ZNF704: variants seen among roughly 807,000 people sequenced by gnomAD.
ZNF704 encodes glucocorticoid induced gene 1.
ZNF704 carries 10 observed loss-of-function variants against 44.7 expected under a neutral mutation model. The observed-to-expected ratio is 0.22, with a 90% CI of 0.14 to 0.38. The LOEUF is 0.38. Among genes scored for constraint, ZNF704 ranks in the 10% least tolerant of loss-of-function variants. ZNF704 has a pLI of 1.00. For missense variants in ZNF704, 390 were observed against 545.5 expected (o/e 0.71, Z 2.84); for synonymous variants, 211 against 207.6 (o/e 1.02, Z -0.14).
chr8:80,798,616 C>T (rs1442976056), intron 2 of ZNF704, among the ~76,000 whole-genome samples: 1 of 152,108 alleles, frequency 6.6e-6, no homozygotes, highest in African/African-American at 2.4e-5. Context: ...CTAAGAAGAT[C>T]CAAACTTACC....
chr8:80,863,642 G>C (rs1809106361), intron 1 of ZNF704, among the ~76,000 whole-genome samples: 1 of 152,132 alleles, frequency 6.6e-6, no homozygotes, highest in Admixed American at 6.6e-5. Flanking sequence ...TTGGCTATGA[G>C]GGCCTTCTAT....
chr8:80,689,889 C>G (rs938212477), intron 3 of ZNF704, among the ~76,000 whole-genome samples: 1 of 152,120 alleles, frequency 6.6e-6, no homozygotes, highest in South Asian at 2.1e-4. Flanking sequence ...GACAGAGCCT[C>G]CTTATATTAA....
At chr8:80,776,713 A>C (rs1448550928) in intron 2 of ZNF704, 1 of 152,108 alleles carries the variant, frequency 6.6e-6, no homozygotes, top group Admixed American at 6.5e-5. Context: ...GTGGCTATTC[A>C]CAGGTGTGAT....
intron 5 of ZNF704, among the ~76,000 whole-genome samples, chr8:80,665,968 TA>T (rs1388617831): frequency 6.6e-6 from 1 of 151,054 alleles, no homozygotes; most frequent in Non-Finnish European, 1.5e-5. Context: ...TTTATTTATT[TA>T]TTTTTTTATT....
At chr8:80,717,523 C>T (rs1466741538) in intron 2 of ZNF704, among the ~76,000 whole-genome samples, 3 of 152,180 alleles carry the variant, frequency 2.0e-5, no homozygotes, top group East Asian at 1.9e-4. Flanking sequence ...TTGTGAGATT[C>T]GAGAGAGAAT....
chr8:80,652,181 A>G (rs1428404186), intron 7 of ZNF704, among the ~76,000 whole-genome samples: 1 of 152,170 alleles, frequency 6.6e-6, no homozygotes, highest in African/African-American at 2.4e-5. Flanking sequence ...TGTAGAGGGA[A>G]ATTTATAGCA....
intron 4 of ZNF704, among the ~76,000 whole-genome samples, chr8:80,671,570 T>A (rs1428919886): frequency 6.6e-6 from 1 of 152,252 alleles, no homozygotes; most frequent in Non-Finnish European, 1.5e-5. Context: ...ATTATGATTA[T>A]GCATCCTAGA....
intron 2 of ZNF704, among the ~76,000 whole-genome samples, chr8:80,805,158 T>C (rs7834214): frequency 0.22 from 33,607 of 152,092 alleles, 5,360 homozygotes; most frequent in African/African-American, 0.45. Flanking sequence ...TAGTTGACTG[T>C]TGTGCAAGTT....
chr8:80,868,281 T>C (rs995405709), intron 1 of ZNF704, among the ~76,000 whole-genome samples: 1 of 152,214 alleles, frequency 6.6e-6, no homozygotes, highest in African/African-American at 2.4e-5. Context: ...TGCTTAAGCT[T>C]CTTTTGATCA....
At chr8:80,698,018 G>T (rs1818753126) in intron 2 of ZNF704, among the ~76,000 whole-genome samples, 1 of 152,210 alleles carries the variant, frequency 6.6e-6, no homozygotes, top group African/African-American at 2.4e-5. Context: ...ATTACATAAT[G>T]AGTCTTGGCC....
the ZNF704 span, among the ~76,000 whole-genome samples, chr8:80,882,199 C>T: frequency 2.0e-5 from 3 of 152,320 alleles, no homozygotes. Flanking sequence ...GACTAGACGG[C>T]TTTACGAAAG....
intron 6 of ZNF704, among the ~76,000 whole-genome samples, chr8:80,662,484 T>A (rs908060386): frequency 5.9e-5 from 9 of 152,174 alleles, no homozygotes; most frequent in Non-Finnish European, 1.2e-4. Flanking sequence ...GAAACAGTGA[T>A]AAATGAAGAT....
Position 80,660,716 on chromosome 8 carries a change from T to C in ZNF704, c.928-1027A>G, listed in dbSNP as rs1267312313. Among the ~76,000 whole-genome samples, 11 of 152,146 alleles carry C rather than the reference T, an allele frequency of 7.2e-5. No homozygotes were observed. In the East Asian group the frequency reaches 2.1e-3, roughly 29 times the overall value. ...GGACATCCTCTTCAATAAATGCTGC[T>C]GGGAAAACTGGATATCCACGTGCAG... On this transcript the variant is annotated intron_variant, in intron 6 of 8. Coordinates refer to ENST00000327835, the MANE Select transcript of ZNF704 (RefSeq NM_001033723.3).
chr8:80,791,927 T>C (rs1043168961), intron 2 of ZNF704, among the ~76,000 whole-genome samples: 2 of 152,182 alleles, frequency 1.3e-5, no homozygotes, highest in African/African-American at 4.8e-5. Context: ...ACTTGAGTCT[T>C]GGGAATCAGC....
At position 80,639,852 on chromosome 8, in the gene ZNF704, T is replaced by G. The variant is rs553458055; in HGVS notation, c.*1514A>C. 5 of 152,798 alleles carry G rather than the reference T, an allele frequency of 3.3e-5. No individual in the cohort carries two copies. In the East Asian group the frequency reaches 9.6e-4, roughly 29 times the overall value. 9.5% of individuals were successfully genotyped at this position (152,798 alleles called of 1,614,324 possible). A position where few individuals can be genotyped will look rare whatever the true frequency, so the allele number is the denominator to read the frequency against. On this transcript the variant is annotated 3_prime_UTR_variant, in exon 9 of 9. Transcript: ENST00000327835. ...TTCCTATGGCTGATCCCATGTCCCC[T>G]GTCCCTATACAGTGCCTCCTATAAG...
chr8:80,761,508 C>T (rs1472447286), intron 2 of ZNF704, among the ~76,000 whole-genome samples: 1 of 152,108 alleles, frequency 6.6e-6, no homozygotes, highest in East Asian at 1.9e-4. Context: ...ATCATAATCC[C>T]TAACATCTAA....
intron 2 of ZNF704, among the ~76,000 whole-genome samples, chr8:80,723,845 GA>G (rs1375468668): frequency 1.3e-5 from 2 of 152,192 alleles, no homozygotes; most frequent in African/African-American, 4.8e-5. Flanking sequence ...CAACAGAATG[GA>G]AAACACTGGT....
intron 2 of ZNF704, among the ~76,000 whole-genome samples, chr8:80,781,022 G>A (rs546151894): frequency 1.2e-4 from 18 of 152,298 alleles, no homozygotes; most frequent in Non-Finnish European, 2.1e-4. Context: ...AAATTACAGC[G>A]TTGGATTAAA....
intron 5 of ZNF704, among the ~76,000 whole-genome samples, chr8:80,667,971 TA>T (rs1297165079): frequency 6.6e-6 from 1 of 152,168 alleles, no homozygotes; most frequent in Non-Finnish European, 1.5e-5. Context: ...AAATGCTTAT[TA>T]AATAAAAAGA....
Sources: allele counts gnomAD v4.1 joint callset (sites outside exome capture counted in the v4.1 genomes callset), GRCh38; gene constraint gnomAD v4.1.1; transcripts MANE v1.5; gene names NCBI Gene and HGNC (gene_info 2026-07-23, HGNC 2026-07-21).